Variants in RORA observed in about 807,000 individuals in gnomAD.
RORA encodes the protein RAR related orphan receptor A, also known as nuclear receptor ROR-alpha.
RORA carries 7 observed loss-of-function variants against 69.5 expected under a neutral mutation model. The ratio of observed to expected loss-of-function variants is 0.10; its 90% confidence interval spans 0.06 to 0.19. The LOEUF is 0.19. Ranked by LOEUF, RORA falls within the 10% of genes least tolerant of loss-of-function variation. RORA has a pLI of 1.00. For synonymous variants in RORA, 261 were observed against 240.8 expected (o/e 1.08, Z -0.78); for missense variants, 457 against 663.0 (o/e 0.69, Z 3.41).
At chr15:60,697,561 C>G (rs945298808) in intron 1 of RORA, among the ~76,000 whole-genome samples, 1 of 151,390 alleles carries the variant, frequency 6.6e-6, no homozygotes, top group African/African-American at 2.4e-5. Flanking sequence ...TCCTTCAAGT[C>G]TACTTTTTTT....
At chr15:61,018,544 G>T (rs1200187242) in intron 1 of RORA, among the ~76,000 whole-genome samples, 1 of 152,054 alleles carries the variant, frequency 6.6e-6, no homozygotes, top group Non-Finnish European at 1.5e-5. Context: ...ACATGCACAG[G>T]CATATATATA....
At chr15:61,100,112 CTTTTTTTTTTT>C (rs911036920) in intron 1 of RORA, among the ~76,000 whole-genome samples, 1 of 119,056 alleles carries the variant, frequency 8.4e-6, no homozygotes, top group East Asian at 2.5e-4. Flanking sequence ...GGTCAATTTT[CTTTTTTTTTTT>C]TTTTTTTTTC....
At chr15:60,592,611 C>A in intron 2 of RORA, 1 of 1,182,350 alleles carries the variant, frequency 8.5e-7, no homozygotes, top group Non-Finnish European at 1.0e-6. Context: ...TTACACCGCG[C>A]CCCTCCGCTT....
intron 1 of RORA, among the ~76,000 whole-genome samples, chr15:61,065,719 C>T (rs912793886): frequency 4.6e-5 from 7 of 152,124 alleles, no homozygotes; most frequent in African/African-American, 1.7e-4. Flanking sequence ...CAGTATAAAG[C>T]TCATGCTGGT....
At chr15:60,990,970 C>T (rs1423824915) in intron 1 of RORA, among the ~76,000 whole-genome samples, 1 of 152,168 alleles carries the variant, frequency 6.6e-6, no homozygotes, top group Admixed American at 6.5e-5. Context: ...TAATCTTTAT[C>T]TATATGTCAT....
intron 2 of RORA, among the ~76,000 whole-genome samples, chr15:60,623,444 T>G (rs2069473939): frequency 6.6e-6 from 1 of 152,218 alleles, no homozygotes; most frequent in Admixed American, 6.5e-5. Context: ...CAGCTAATAT[T>G]TACCCAGGGC....
intron 1 of RORA, among the ~76,000 whole-genome samples, chr15:60,700,453 T>C (rs556159511): frequency 6.6e-6 from 1 of 152,250 alleles, no homozygotes; most frequent in Admixed American, 6.5e-5. Flanking sequence ...ATGCCACTGA[T>C]AGGAAACAGG....
intron 1 of RORA, among the ~76,000 whole-genome samples, chr15:60,694,790 A>G (rs1004720646): frequency 7.2e-5 from 11 of 152,152 alleles, no homozygotes; most frequent in African/African-American, 2.2e-4. Context: ...AAATCAACCC[A>G]TATGCAGCGA....
At chr15:61,163,422 TA>T (rs2079513846) in intron 1 of RORA, among the ~76,000 whole-genome samples, 1 of 152,096 alleles carries the variant, frequency 6.6e-6, no homozygotes, top group Admixed American at 6.5e-5. Flanking sequence ...TTCTGCCAGG[TA>T]AAGGCCTCCT....
At chr15:61,154,324 C>A (rs1262792828) in intron 1 of RORA, among the ~76,000 whole-genome samples, 1 of 152,188 alleles carries the variant, frequency 6.6e-6, no homozygotes, top group Non-Finnish European at 1.5e-5. Context: ...TACCAGACTT[C>A]CCTGAGACCA....
At chr15:60,903,510 C>A (rs762385863) in intron 1 of RORA, among the ~76,000 whole-genome samples, 9 of 152,222 alleles carry the variant, frequency 5.9e-5, no homozygotes, top group Non-Finnish European at 1.2e-4. Context: ...CATCAGGCCT[C>A]CTCAGTCTCT....
intron 1 of RORA, among the ~76,000 whole-genome samples, chr15:61,177,803 A>G (rs1266723515): frequency 6.6e-6 from 1 of 151,904 alleles, no homozygotes; most frequent in Non-Finnish European, 1.5e-5. Context: ...TCTACTAAAA[A>G]TACAAAAAAT....
intron 1 of RORA, among the ~76,000 whole-genome samples, chr15:61,062,547 G>A (rs953817901): frequency 6.6e-6 from 1 of 152,166 alleles, no homozygotes; most frequent in Admixed American, 6.5e-5. Context: ...AGAAGAGCAG[G>A]GCGAGTGATT....
At chr15:60,556,710 G>A (rs944355479) in intron 2 of RORA, 1 of 669,668 alleles carries the variant, frequency 1.5e-6, no homozygotes, top group Non-Finnish European at 2.7e-6. Context: ...GATCCTCTAT[G>A]CCTGGAAGTT....
chr15:60,709,404 C>T, intron 1 of RORA, among the ~76,000 whole-genome samples: 1 of 152,166 alleles, frequency 6.6e-6, no homozygotes, highest in Non-Finnish European at 1.5e-5. Flanking sequence ...GATTAACACT[C>T]GAGCTCCTTT....
At chr15:60,772,957 G>A (rs965819323) in intron 1 of RORA, among the ~76,000 whole-genome samples, 40 of 152,332 alleles carry the variant, frequency 2.6e-4, no homozygotes, top group African/African-American at 7.7e-4. Context: ...GATTAATCCC[G>A]CCAGGGAGTT....
At chr15:60,861,394 T>C (rs539865893) in intron 1 of RORA, among the ~76,000 whole-genome samples, 28 of 152,326 alleles carry the variant, frequency 1.8e-4, no homozygotes, top group East Asian at 5.8e-4. Context: ...TATTTGCTCA[T>C]TGGGTCCTCA....
chr15:61,114,223 C>G (rs1235539749), intron 1 of RORA, among the ~76,000 whole-genome samples: 1 of 152,106 alleles, frequency 6.6e-6, no homozygotes, highest in Non-Finnish European at 1.5e-5. Flanking sequence ...CCAATGTCAT[C>G]TCATCCCTCT....
chr15:60,504,765 C>T (rs2065445156), intron 6 of RORA, among the ~76,000 whole-genome samples: 1 of 152,186 alleles, frequency 6.6e-6, no homozygotes, highest in South Asian at 2.1e-4. Flanking sequence ...TTTATATTCG[C>T]ACTCTCCATT....
Sources: gnomAD v4.1 joint callset for allele counts (sites outside exome capture counted in the v4.1 genomes callset) on GRCh38, gnomAD v4.1.1 for gene constraint, MANE v1.5 for transcripts, NCBI Gene and HGNC (gene_info 2026-07-23, HGNC 2026-07-21) for gene names.